Variants in GUCY2F observed in about 807,000 individuals in gnomAD.
The protein encoded by GUCY2F is retinal guanylyl cyclase 2.
GUCY2F carries 61 observed loss-of-function variants against 73.1 expected under a neutral mutation model. The observed-to-expected ratio is 0.83, with a 90% CI of 0.68 to 1.03. The LOEUF is 1.03. Among genes scored for constraint, GUCY2F ranks in the 50% least tolerant of loss-of-function variants. GUCY2F has a pLI of 0.00. For synonymous variants in GUCY2F, 331 were observed against 307.8 expected (o/e 1.08, Z -0.79); for missense variants, 912 against 854.3 (o/e 1.07, Z -0.84).
At chrX:109,465,600 G>T (rs1932453267) in intron 2 of GUCY2F, among the ~76,000 whole-genome samples, 157 bp from the exon 3 acceptor site, 1 of 112,059 alleles carries the variant, frequency 8.9e-6, no homozygotes, top group African/African-American at 3.3e-5. Context: ...CTGAGGCTGA[G>T]GTATGCTCAT....
At position 109,379,384 on chromosome X, in the gene GUCY2F, CAAA is replaced by C. The variant is rs3831758; in HGVS notation, c.3150+2731_3150+2733del. 3.9e-4 allele frequency among the ~76,000 whole-genome samples: 41 copies of C among 105,690 alleles called. 2 individuals carry two copies. Among genetic ancestry groups the C allele is most frequent in the Admixed American group, 2.7e-3 (27 of 10,039 alleles). 91.8% of individuals were successfully genotyped at this position (105,690 alleles called of 115,157 possible). A position where few individuals can be genotyped will look rare whatever the true frequency, so the allele number is the denominator to read the frequency against. On this transcript the variant is annotated intron_variant, in intron 17 of 19. Coordinates refer to ENST00000218006, the MANE Select transcript of GUCY2F (RefSeq NM_001522.3). ...GAATGCATTTCAAATGTTCTCACCA[CAAA>C]AAAAAAATGTTAAGTATTTGAGGTG... is the stretch of plus-strand genomic sequence containing the variant.
intron 4 of GUCY2F, among the ~76,000 whole-genome samples, chrX:109,453,135 A>G (rs1417206110): frequency 9.0e-6 from 1 of 111,640 alleles, no homozygotes; most frequent in Admixed American, 9.5e-5. Flanking sequence ...GGATTTGGAA[A>G]CATCAAGGGA....
At chrX:109,461,030 A>G (rs1932352550) in intron 3 of GUCY2F, among the ~76,000 whole-genome samples, 1 of 112,031 alleles carries the variant, frequency 8.9e-6, no homozygotes, top group South Asian at 3.7e-4. Flanking sequence ...AATAAATGAT[A>G]TTTACATAGT....
intron 8 of GUCY2F, among the ~76,000 whole-genome samples, chrX:109,425,087 C>T (rs1931453797): frequency 8.9e-6 from 1 of 111,935 alleles, no homozygotes; most frequent in African/African-American, 3.2e-5. Flanking sequence ...CACTTCTACA[C>T]TGCTAGTGGG....
chrX:109,438,889 C>T (rs1038644639), intron 7 of GUCY2F, among the ~76,000 whole-genome samples: 3 of 112,864 alleles, frequency 2.7e-5, no homozygotes, highest in African/African-American at 6.4e-5. Context: ...GGACTCTTTG[C>T]GGTGGCGCAG....
Position 109,409,002 on chromosome X carries a change from T to C in GUCY2F, c.1958A>G (p.Asp653Gly). 1 of 1,114,043 alleles carries C rather than the reference T, an allele frequency of 9.0e-7. No homozygotes were observed. The highest frequency in any genetic ancestry group is 1.9e-5 in the South Asian group (1 of 53,923). 91.8% of individuals were successfully genotyped at this position (1,114,043 alleles called of 1,213,427 possible). A position where few individuals can be genotyped will look rare whatever the true frequency, so the allele number is the denominator to read the frequency against. ...AGTCTTCCCATTAACCTTTATGAGA[T>C]CCAGCAAGAGTGATGATTTAAACAT... ...DWMFKSSLLL[D>G]LIKGMKYLHH... Residue 653 changes from aspartate (D) to glycine (G), a missense_variant, in exon 9 of 20, where the codon GAT (aspartate) becomes GGT (glycine). Transcript: ENST00000218006.
intron 7 of GUCY2F, among the ~76,000 whole-genome samples, chrX:109,434,013 G>A (rs961714798): frequency 1.8e-5 from 2 of 110,879 alleles, no homozygotes; most frequent in East Asian, 5.7e-4. Context: ...GATGGTTGAC[G>A]GAAGGGAGGC....
At chrX:109,381,569 A>G (rs1359258305) in intron 17 of GUCY2F, among the ~76,000 whole-genome samples, 5 of 112,324 alleles carry the variant, frequency 4.5e-5, no homozygotes, top group Non-Finnish European at 7.5e-5. Flanking sequence ...AGGTCTAGTG[A>G]TAACTCTAAC....
At chrX:109,446,290 G>A (rs1246336429) in intron 6 of GUCY2F, among the ~76,000 whole-genome samples, 2 of 111,576 alleles carry the variant, frequency 1.8e-5, no homozygotes, top group Non-Finnish European at 3.8e-5. Flanking sequence ...AGTTCATATG[G>A]AACCAAAAAA....
chrX:109,452,157 G>A, intron 4 of GUCY2F, 50 bp from the exon 5 acceptor site: 2 of 668,208 alleles, frequency 3.0e-6, no homozygotes, highest in Non-Finnish European at 2.5e-6. Flanking sequence ...GAGAGAGGCA[G>A]TAAATAAAGG....
chrX:109,407,805 A>T (rs757589905), intron 9 of GUCY2F, among the ~76,000 whole-genome samples: 1 of 113,512 alleles, frequency 8.8e-6, no homozygotes, highest in East Asian at 2.8e-4. Context: ...GGTGCACAGA[A>T]GTCAGGAACT....
At chrX:109,471,005 A>G (rs1203077913) in intron 2 of GUCY2F, among the ~76,000 whole-genome samples, 3 of 112,293 alleles carry the variant, frequency 2.7e-5, no homozygotes, top group Non-Finnish European at 3.8e-5. Context: ...ACTAGCACAT[A>G]GTAAATTCCC....
intron 10 of GUCY2F, among the ~76,000 whole-genome samples, chrX:109,400,645 G>A (rs1195079819): frequency 1.8e-5 from 2 of 111,061 alleles, no homozygotes; most frequent in African/African-American, 6.6e-5. Context: ...TTCTCTCTTT[G>A]CTCTTTAAGT....
At chrX:109,382,711 C>T (rs1175229686) in intron 16 of GUCY2F, among the ~76,000 whole-genome samples, 2 of 112,322 alleles carry the variant, frequency 1.8e-5, no homozygotes, top group Non-Finnish European at 3.8e-5. Flanking sequence ...ATCCCAAGAA[C>T]TCTTTCAACA....
intron 1 of GUCY2F, among the ~76,000 whole-genome samples, chrX:109,481,618 A>C (rs762589410): frequency 1.2e-4 from 13 of 111,916 alleles, no homozygotes; most frequent in Non-Finnish European, 2.4e-4. Flanking sequence ...GCAATAAAAA[A>C]AGAATCATGA....
At chrX:109,447,920 G>A in intron 6 of GUCY2F, 149 bp downstream of exon 6, 3 of 282,619 alleles carry the variant, frequency 1.1e-5, no homozygotes, top group Non-Finnish European at 1.9e-5. Context: ...TATTTTACAT[G>A]TTTTTATACT....
rs765229472 is a variant in GUCY2F at position 109,388,580 on chromosome X, G to A, written c.2865C>T (p.Asn955=). 2.5e-6 allele frequency: 3 copies of A among 1,198,751 alleles called. No individual in the cohort carries two copies. The South Asian group carries it at 5.3e-5, about 21-fold the overall frequency. Residue 955 remains asparagine (N), a synonymous_variant, in exon 15 of 20, where the codon AAC becomes AAT. Transcript: ENST00000218006. Reference sequence around the variant, plus strand: ...CAGAGCTCAGGATATCTAAGGACATGTTTGCAATCTCAGCTGCATGCCTAC... The same window carrying A: ...CAGAGCTCAGGATATCTAAGGACATATTTGCAATCTCAGCTGCATGCCTAC... ...NGSRHAAEIA[N]MSLDILSSVG...
chrX:109,379,872 G>A (rs769397910), intron 17 of GUCY2F, among the ~76,000 whole-genome samples: 88 of 112,312 alleles, frequency 7.8e-4, no homozygotes, highest in African/African-American at 2.5e-3. Flanking sequence ...GGGCCCAAGA[G>A]GCTGAGCTTC....
intron 3 of GUCY2F, among the ~76,000 whole-genome samples, chrX:109,461,254 T>G (rs1932355414): frequency 8.9e-6 from 1 of 111,779 alleles, no homozygotes; most frequent in South Asian, 3.7e-4. Context: ...AATAAAGAGC[T>G]AAAAAAATAT....
Sources: allele counts gnomAD v4.1 joint callset (sites outside exome capture counted in the v4.1 genomes callset), GRCh38; gene constraint gnomAD v4.1.1; transcripts MANE v1.5; gene names NCBI Gene and HGNC (gene_info 2026-07-23, HGNC 2026-07-21).